Variants in MTARC1 observed in about 807,000 individuals in gnomAD.
MTARC1 encodes mitochondrial amidoxime-reducing component 1.
A neutral mutation model predicts 33.6 loss-of-function variants in MTARC1; 24 were observed. That is an observed-to-expected ratio of 0.72 (90% CI 0.52 to 1.01). The LOEUF is 1.01. MTARC1 is among the 50% of genes least tolerant of loss of function. The pLI, the probability that MTARC1 is intolerant of heterozygous loss-of-function variation, is 0.00. For missense variants in MTARC1, 417 were observed against 445.7 expected, an observed-to-expected ratio of 0.94 and a Z score of 0.58; for synonymous variants, 187 against 189.5, an observed-to-expected ratio of 0.99 and a Z score of 0.11.
intron 4 of MTARC1, chr1:220,798,766 T>A: frequency 2.3e-6 from 2 of 857,452 alleles, no homozygotes; most frequent in Non-Finnish European, 2.8e-6. Context: ...CAAATTTATG[T>A]TGAGAAGGGA....
At chr1:220,811,116 A>C (rs1305774727) in intron 6 of MTARC1, among the ~76,000 whole-genome samples, 1 of 152,236 alleles carries the variant, frequency 6.6e-6, no homozygotes, top group Non-Finnish European at 1.5e-5. Flanking sequence ...CCATACAAGC[A>C]GCTGATGTGT....
intron 1 of MTARC1, among the ~76,000 whole-genome samples, chr1:220,790,339 G>T (rs1324046050): frequency 6.6e-6 from 1 of 152,218 alleles, no homozygotes; most frequent in Non-Finnish European, 1.5e-5. Flanking sequence ...GCACGCCCTT[G>T]TTTAGGAGTT....
intron 2 of MTARC1, among the ~76,000 whole-genome samples, chr1:220,791,920 A>G (rs2102586593): frequency 6.6e-6 from 1 of 152,242 alleles, no homozygotes; most frequent in Admixed American, 6.5e-5. Context: ...ACAAAAGCAT[A>G]TTGACATGTC....
At chr1:220,806,636 T>C (rs930509354) in intron 6 of MTARC1, among the ~76,000 whole-genome samples, 2 of 152,190 alleles carry the variant, frequency 1.3e-5, no homozygotes, top group African/African-American at 4.8e-5. Flanking sequence ...AATTCTACTG[T>C]CCCAGATCTG....
intron 1 of MTARC1, among the ~76,000 whole-genome samples, 172 bp downstream of exon 1, chr1:220,787,391 C>G (rs552541524): frequency 6.6e-6 from 1 of 152,162 alleles, no homozygotes; most frequent in East Asian, 1.9e-4. Flanking sequence ...CCCTCACCCC[C>G]CAGCATCAGA....
intron 2 of MTARC1, chr1:220,793,395 A>C (rs1260259357): frequency 6.6e-6 from 1 of 152,192 alleles, no homozygotes. Context: ...GTCCATGCCC[A>C]AAAGACTAAA....
chr1:220,796,921 T>G, intron 3 of MTARC1, 116 bp downstream of exon 3: 1 of 1,072,996 alleles, frequency 9.3e-7, no homozygotes. Flanking sequence ...CTCTGGTAGC[T>G]CAGATCACAA....
chr1:220,803,409 G>T (rs112919559), intron 4 of MTARC1, among the ~76,000 whole-genome samples: 26 of 152,162 alleles, frequency 1.7e-4, no homozygotes, highest in African/African-American at 6.3e-4. Flanking sequence ...ACCATATCAC[G>T]AACGAAAGCT....
chr1:220,812,112 C>G (rs768129824), intron 6 of MTARC1, among the ~76,000 whole-genome samples: 1 of 152,150 alleles, frequency 6.6e-6, no homozygotes. Flanking sequence ...GAGGCAGGTA[C>G]AATTCTAAAG....
At chr1:220,787,291 G>T in intron 1 of MTARC1, 72 bp downstream of exon 1, 4 of 1,460,460 alleles carry the variant, frequency 2.7e-6, no homozygotes, top group Non-Finnish European at 3.6e-6. Context: ...GAGGAGCGCA[G>T]GGGAGGTCTG....
chr1:220,797,904 A>T lies in MTARC1; in HGVS notation c.643A>T (p.Ile215Phe). ...TTACTCAGACACCAGCCCATTCTTG[A>T]TCCTTTCTGAGGCGTCGCTGGCGGA... ...IAYSDTSPFLILSEASLADLN... is the reference protein window; with the variant it reads ...IAYSDTSPFLFLSEASLADLN... The change falls in exon 4 of 7, where the codon ATC (isoleucine) becomes TTC (phenylalanine). Residue 215 changes from isoleucine (I) to phenylalanine (F), a missense_variant. By Grantham distance (21) the Ile-to-Phe change is conservative. Transcript: ENST00000366910. 6.2e-7 allele frequency: 1 copy of T among 1,614,190 alleles called. No homozygotes were observed. The highest frequency in any genetic ancestry group is 1.1e-5 in the South Asian group (1 of 91,080).
At chr1:220,795,591 C>CTA (rs1672584964) in intron 2 of MTARC1, among the ~76,000 whole-genome samples, 4 of 152,084 alleles carry the variant, frequency 2.6e-5, no homozygotes, top group Admixed American at 2.6e-4. Flanking sequence ...GTATGGCTAC[C>CTA]TATATAATTT....
intron 1 of MTARC1, among the ~76,000 whole-genome samples, 162 bp from the exon 2 acceptor site, chr1:220,791,329 T>C (rs1015956337): frequency 4.6e-5 from 7 of 152,154 alleles, no homozygotes; most frequent in African/African-American, 1.2e-4. Context: ...CTCAGTCCTG[T>C]GTGCTGATGT....
chr1:220,787,878 C>T (rs941413953), intron 1 of MTARC1, among the ~76,000 whole-genome samples: 10 of 152,086 alleles, frequency 6.6e-5, no homozygotes, highest in Middle Eastern at 3.4e-3. Flanking sequence ...CGTAGTGGCG[C>T]GCACCTGTAA....
At chr1:220,811,446 C>T (rs1043791394) in intron 6 of MTARC1, among the ~76,000 whole-genome samples, 2 of 152,186 alleles carry the variant, frequency 1.3e-5, no homozygotes, top group African/African-American at 4.8e-5. Context: ...CACAGTGCTG[C>T]CTACAGGATG....
intron 2 of MTARC1, among the ~76,000 whole-genome samples, chr1:220,795,277 C>T: frequency 6.6e-6 from 1 of 152,190 alleles, no homozygotes; most frequent in South Asian, 2.1e-4. Flanking sequence ...TGCTTCTACC[C>T]CCATTTTATT....
intron 1 of MTARC1, among the ~76,000 whole-genome samples, chr1:220,789,513 A>G (rs2102583419): frequency 6.6e-6 from 1 of 152,364 alleles, no homozygotes; most frequent in Middle Eastern, 3.4e-3. Flanking sequence ...CCTCATTCAA[A>G]GCTGTCCTGG....
In MTARC1 at chr1:220,789,454, C is replaced by CA. The variant is rs201101963; in HGVS notation, c.276-2029dup. ...TGATGAGCAAAAACAAAAACAAAAACAAAAAAAATCTCATAATGTTTTAAG... is the reference window on the plus strand; with the variant it reads ...TGATGAGCAAAAACAAAAACAAAAACAAAAAAAAATCTCATAATGTTTTAAG... On this transcript the variant is annotated intron_variant, in intron 1 of 6. Transcript: ENST00000366910. 9.1e-5 allele frequency among the ~76,000 whole-genome samples: 8 copies of CA among 87,432 alleles called. No homozygotes were observed. In the East Asian group the frequency reaches 1.3e-3, roughly 14 times the overall value. The allele number at this position is 87,432 out of a possible 152,430, so 57.4% of individuals were successfully genotyped here. A position where few individuals can be genotyped will look rare whatever the true frequency, so the allele number is the denominator to read the frequency against.
intron 6 of MTARC1, among the ~76,000 whole-genome samples, chr1:220,806,568 G>A (rs1259087075): frequency 6.6e-6 from 1 of 152,170 alleles, no homozygotes; most frequent in East Asian, 1.9e-4. Context: ...CAACCTCATG[G>A]CCTTTTTGGG....
Sources: allele counts gnomAD v4.1 joint callset (sites outside exome capture counted in the v4.1 genomes callset), GRCh38; gene constraint gnomAD v4.1.1; transcripts MANE v1.5; gene names NCBI Gene and HGNC (gene_info 2026-07-23, HGNC 2026-07-21).